The following CFAP58 variants were observed in gnomAD, a reference collection of about 807,000 sequenced individuals.
CFAP58 encodes the protein cilia and flagella associated protein 58.
In CFAP58, 88 loss-of-function variants were observed where a neutral mutation model predicts 119.5. That is an observed-to-expected ratio of 0.74 (90% CI 0.62 to 0.88). The LOEUF is 0.88. Ranked by LOEUF, CFAP58 falls within the 40% of genes least tolerant of loss-of-function variation. The pLI is 0.00. For synonymous variants in CFAP58, 365 were observed against 366.3 expected (o/e 1.00, Z 0.04); for missense variants, 990 against 1,021.2 (o/e 0.97, Z 0.42).
At chr10:104,435,733 C>T (rs1328675294) in intron 15 of CFAP58, among the ~76,000 whole-genome samples, 2 of 152,208 alleles carry the variant, frequency 1.3e-5, no homozygotes, top group Non-Finnish European at 2.9e-5. Flanking sequence ...TGCTTTCACT[C>T]TCAAGGATTT....
chr10:104,450,232 T>G (rs763789850), intron 17 of CFAP58, 28 bp downstream of exon 17: 1 of 1,609,788 alleles, frequency 6.2e-7, no homozygotes, highest in East Asian at 2.2e-5. Context: ...GTCCTAATTT[T>G]GTTGTGCCTA....
chr10:104,450,298 G>C, intron 17 of CFAP58, 94 bp downstream of exon 17: 1 of 1,283,650 alleles, frequency 7.8e-7, no homozygotes, highest in East Asian at 2.3e-5. Context: ...AAGTTTCACT[G>C]GGGTAAACTA....
At chr10:104,379,934 T>C in intron 8 of CFAP58, 95 bp from the exon 9 acceptor site, 3 of 993,690 alleles carry the variant, frequency 3.0e-6, no homozygotes, top group Non-Finnish European at 4.6e-6. Context: ...AAAGACAAGA[T>C]ATCTAATTAT....
chr10:104,360,690 G>T (rs1213752990), intron 2 of CFAP58, among the ~76,000 whole-genome samples: 1 of 152,070 alleles, frequency 6.6e-6, no homozygotes, highest in Non-Finnish European at 1.5e-5. Flanking sequence ...GTGTCCATGT[G>T]TTCTCATCAT....
rs1564875601 is a variant in CFAP58, at chr10:104,357,854, TATACACATATATAC to T, written c.10-485_10-472del. On this transcript the variant is annotated intron_variant, in intron 1 of 17. Transcript: ENST00000369704. ...ATATATGTACACATATGTACACATA[TATACACATATATAC>T]ACATATATGTACACATATATAAACA... 2.7e-4 allele frequency among the ~76,000 whole-genome samples: 12 copies of T among 43,700 alleles called. 1 individual carries two copies. Among genetic ancestry groups the T allele is most frequent in the African/African-American group, 1.1e-3 (12 of 10,936 alleles). 28.7% of individuals were successfully genotyped at this position (43,700 alleles called of 152,430 possible).
At chr10:104,439,067 CAG>C (rs1315691760) in intron 15 of CFAP58, among the ~76,000 whole-genome samples, 1 of 152,054 alleles carries the variant, frequency 6.6e-6, no homozygotes, top group Admixed American at 6.6e-5. Context: ...AACTAAGTAA[CAG>C]ATATGTGATA....
rs748651852 is a variant in CFAP58 at position 104,393,470 on chromosome 10, T to C, written c.1669T>C (p.Leu557=). Residue 557 remains leucine, a synonymous_variant, in exon 11 of 18, where the codon TTG becomes CTG. Coordinates refer to ENST00000369704, the MANE Select transcript of CFAP58 (RefSeq NM_001008723.2). ...QQRIEKEKET[L]KAELQKLRQQ... The stretch of plus-strand genomic sequence containing the variant: ...GCGAATAGAAAAGGAAAAGGAAACA[T>C]TGAAGGTACTGACCTCATAGTAAAA... The C allele has an allele frequency of 3.1e-6, 5 of 1,613,504 alleles. No individual in the cohort carries two copies. Among genetic ancestry groups the C allele is most frequent in the East Asian group, 4.5e-5 (2 of 44,878 alleles).
chr10:104,357,908 T>TAC (rs754200854), intron 1 of CFAP58, among the ~76,000 whole-genome samples: 8 of 114,998 alleles, frequency 7.0e-5, no homozygotes, highest in Admixed American at 3.1e-4. Context: ...TGTACACATA[T>TAC]ACACACATAT....
chr10:104,340,038 AG>A, the CFAP58 span, among the ~76,000 whole-genome samples: 1 of 152,218 alleles, frequency 6.6e-6, no homozygotes, highest in Admixed American at 6.5e-5. Context: ...AAGTTGTTTC[AG>A]CAATTTCTAA....
At chr10:104,366,776 G>A (rs1245845327) in intron 5 of CFAP58, among the ~76,000 whole-genome samples, 3 of 152,238 alleles carry the variant, frequency 2.0e-5, no homozygotes, top group African/African-American at 4.8e-5. Context: ...ACAGAGCTCA[G>A]TAGAGCATGA....
Position 104,366,538 on chromosome 10 carries a change from T to C in CFAP58, c.792+530T>C, listed in dbSNP as rs543066198. ...CTTCTGCTATATTCTGTTTGTGAGATATATTCATGTTGTTGCCATGTAGTT... is the reference window on the plus strand; with the variant it reads ...CTTCTGCTATATTCTGTTTGTGAGACATATTCATGTTGTTGCCATGTAGTT... On this transcript the variant is annotated intron_variant, in intron 5 of 17. Coordinates refer to ENST00000369704, the MANE Select transcript of CFAP58 (RefSeq NM_001008723.2). 2.4e-4 allele frequency among the ~76,000 whole-genome samples: 36 copies of C among 152,376 alleles called. 1 individual carries two copies. The highest frequency in any genetic ancestry group is 7.9e-4 in the African/African-American group (33 of 41,594).
intron 15 of CFAP58, among the ~76,000 whole-genome samples, chr10:104,429,871 A>ATT (rs35432269): frequency 0.023 from 3,380 of 146,630 alleles, 115 homozygotes; most frequent in East Asian, 0.16. Context: ...ATATAAACTC[A>ATT]TTTTTTTTTT....
At chr10:104,355,721 C>A (rs541160195) in intron 1 of CFAP58, among the ~76,000 whole-genome samples, 1 of 152,354 alleles carries the variant, frequency 6.6e-6, no homozygotes, top group East Asian at 1.9e-4. Flanking sequence ...CCTTCTGAAA[C>A]AGATACCATT....
chr10:104,404,842 C>G (rs893219678), intron 14 of CFAP58, among the ~76,000 whole-genome samples: 4 of 152,216 alleles, frequency 2.6e-5, no homozygotes, highest in African/African-American at 9.6e-5. Flanking sequence ...CGTGATCCGC[C>G]CACCTCAGCC....
intron 15 of CFAP58, among the ~76,000 whole-genome samples, chr10:104,421,352 T>C (rs530379038): frequency 3.9e-5 from 6 of 152,346 alleles, no homozygotes; most frequent in African/African-American, 1.4e-4. Context: ...ATTGCTCATC[T>C]GGTTGGTCGC....
the CFAP58 span, among the ~76,000 whole-genome samples, chr10:104,338,907 G>GTTTTT: frequency 7.1e-6 from 1 of 140,596 alleles, no homozygotes; most frequent in Non-Finnish European, 1.6e-5. Context: ...GCTTACTACC[G>GTTTTT]TTTTTTTTTT....
chr10:104,368,546 G>A lies in CFAP58; in HGVS notation c.916G>A (p.Ala306Thr), dbSNP rs753473617. The change falls in exon 6 of 18, where the codon GCG (alanine) becomes ACG (threonine). Residue 306 changes from alanine (A) to threonine (T), a missense_variant. Coordinates refer to ENST00000369704, the MANE Select transcript of CFAP58 (RefSeq NM_001008723.2). ...EQLSQENQQKALELKAKEEEV... is the reference protein window; with the variant it reads ...EQLSQENQQKTLELKAKEEEV... ...GCTATCCCAGGAAAACCAACAGAAG[G>A]CGTTGGAGCTCAAAGTAAACACCAA... 2 of 1,613,842 alleles carry A rather than the reference G, an allele frequency of 1.2e-6. No individual in the cohort carries two copies. Among genetic ancestry groups the A allele is most frequent in the Non-Finnish European group, 1.7e-6 (2 of 1,179,826 alleles).
chr10:104,441,982 CAG>C (rs2013043862), intron 15 of CFAP58, among the ~76,000 whole-genome samples: 1 of 152,122 alleles, frequency 6.6e-6, no homozygotes, highest in Admixed American at 6.6e-5. Flanking sequence ...AATATGTTTA[CAG>C]AGTTTCTAAT....
chr10:104,353,703 C>A, upstream of CFAP58: 1 of 562,500 alleles, frequency 1.8e-6, no homozygotes, highest in East Asian at 2.9e-5. Context: ...GAAGCTCCTC[C>A]CCTTTCGAAT....
Sources: gnomAD v4.1 joint callset for allele counts (sites outside exome capture counted in the v4.1 genomes callset) on GRCh38, gnomAD v4.1.1 for gene constraint, MANE v1.5 for transcripts, NCBI Gene and HGNC (gene_info 2026-07-23, HGNC 2026-07-21) for gene names.